Variants in PTPRD observed in about 807,000 individuals in gnomAD.
The protein encoded by PTPRD is protein tyrosine phosphatase receptor type D.
PTPRD carries 34 observed loss-of-function variants against 214.5 expected under a neutral mutation model. The ratio of observed to expected loss-of-function variants is 0.16; its 90% CI spans 0.12 to 0.21. The LOEUF is 0.21. Among genes scored for constraint, PTPRD ranks in the 10% least tolerant of loss-of-function variants. PTPRD has a pLI of 1.00. For synonymous variants in PTPRD, 1,128 were observed against 845.7 expected (o/e 1.33, Z -5.79); for missense variants, 2,545 against 2,398.7 (o/e 1.06, Z -1.27).
chr9:10,511,969 TGTGTGTGTATATATATATAC>T (rs1566641282), intron 2 of PTPRD, among the ~76,000 whole-genome samples: 4 of 51,690 alleles, frequency 7.7e-5, no homozygotes, highest in African/African-American at 1.7e-4. Context: ...TATATATACG[TGTGTGTGTATATATATATAC>T]GTGTGTGTAT....
At chr9:9,853,358 T>C (rs2060906748) in intron 5 of PTPRD, among the ~76,000 whole-genome samples, 1 of 152,180 alleles carries the variant, frequency 6.6e-6, no homozygotes, top group Non-Finnish European at 1.5e-5. Context: ...CTTGGTTTTT[T>C]CTCAGCCATT....
At chr9:8,681,590 G>A (rs2097550292) in intron 12 of PTPRD, among the ~76,000 whole-genome samples, 1 of 152,094 alleles carries the variant, frequency 6.6e-6, no homozygotes, top group Non-Finnish European at 1.5e-5. Context: ...GACTGCTTAG[G>A]AGAAGCTTCT....
intron 10 of PTPRD, among the ~76,000 whole-genome samples, chr9:9,023,999 TG>T (rs2154371603): frequency 6.6e-6 from 1 of 152,064 alleles, no homozygotes; most frequent in South Asian, 2.1e-4. Flanking sequence ...TTTTTATTTT[TG>T]TAAAAATAAT....
chr9:10,228,845 G>C (rs1339060683), intron 3 of PTPRD, among the ~76,000 whole-genome samples: 1 of 151,070 alleles, frequency 6.6e-6, no homozygotes, highest in Non-Finnish European at 1.5e-5. Flanking sequence ...TCTGCTTATA[G>C]ATATTTCCAA....
intron 7 of PTPRD, among the ~76,000 whole-genome samples, chr9:9,646,343 G>GT (rs1564283935): frequency 3.2e-4 from 47 of 147,168 alleles, no homozygotes; most frequent in African/African-American, 1.1e-3. Context: ...GTGTGTGTGT[G>GT]GGTGTGTGTG....
At chr9:8,496,171 AACACACACACACACACAC>A (rs566859758) in intron 26 of PTPRD, among the ~76,000 whole-genome samples, 3 of 135,024 alleles carry the variant, frequency 2.2e-5, no homozygotes, top group South Asian at 2.5e-4. Flanking sequence ...CCAACTCTCC[AACACACACACACACACAC>A]ACACACACAC....
chr9:9,851,837 T>A (rs543951393), intron 5 of PTPRD, among the ~76,000 whole-genome samples: 1 of 152,344 alleles, frequency 6.6e-6, no homozygotes, highest in East Asian at 1.9e-4. Flanking sequence ...GTTTGTTGCT[T>A]CTTACAAATC....
At chr9:9,139,558 G>A (rs562188435) in intron 10 of PTPRD, among the ~76,000 whole-genome samples, 1 of 152,234 alleles carries the variant, frequency 6.6e-6, no homozygotes, top group East Asian at 1.9e-4. Context: ...AGTCGAGGGT[G>A]GCTACTAAGT....
At chr9:10,357,316 T>C (rs1252835975) in intron 2 of PTPRD, among the ~76,000 whole-genome samples, 3 of 152,188 alleles carry the variant, frequency 2.0e-5, no homozygotes, top group African/African-American at 4.8e-5. Context: ...TTGAGCACTC[T>C]TTACTAGAAA....
At chr9:9,474,123 T>G (rs1270009849) in intron 8 of PTPRD, among the ~76,000 whole-genome samples, 7 of 152,124 alleles carry the variant, frequency 4.6e-5, no homozygotes, top group Non-Finnish European at 8.8e-5. Context: ...GCATTTTCAG[T>G]TGATTTTTGT....
At chr9:9,325,044 G>C (rs1569567376) in intron 9 of PTPRD, among the ~76,000 whole-genome samples, 1 of 152,116 alleles carries the variant, frequency 6.6e-6, no homozygotes, top group East Asian at 1.9e-4. Context: ...CTGTTCCATT[G>C]ATCTATATCT....
At chr9:9,031,181 G>C (rs1238091629) in intron 10 of PTPRD, among the ~76,000 whole-genome samples, 2 of 148,534 alleles carry the variant, frequency 1.3e-5, no homozygotes, top group African/African-American at 5.0e-5. Flanking sequence ...TGCAGAGCCA[G>C]GAAATAAACC....
chr9:9,837,973 G>C (rs1459844745), intron 5 of PTPRD, among the ~76,000 whole-genome samples: 1 of 151,786 alleles, frequency 6.6e-6, no homozygotes, highest in Non-Finnish European at 1.5e-5. Context: ...CTGTGTCCAT[G>C]TGTTCTCATT....
At chr9:9,349,407 A>C (rs946353246) in intron 9 of PTPRD, among the ~76,000 whole-genome samples, 1 of 152,044 alleles carries the variant, frequency 6.6e-6, no homozygotes, top group Non-Finnish European at 1.5e-5. Flanking sequence ...CTAATACAGA[A>C]ACACTGCAAG....
chr9:9,330,634 T>C (rs2041955853), intron 9 of PTPRD, among the ~76,000 whole-genome samples: 1 of 152,064 alleles, frequency 6.6e-6, no homozygotes, highest in Admixed American at 6.6e-5. Context: ...TAACACATAT[T>C]GATTCATTTT....
chr9:9,201,548 G>C (rs770827968), intron 9 of PTPRD, among the ~76,000 whole-genome samples: 11 of 151,920 alleles, frequency 7.2e-5, no homozygotes, highest in Non-Finnish European at 1.3e-4. Context: ...CTATATTATA[G>C]ACTTGGTGAT....
intron 5 of PTPRD, among the ~76,000 whole-genome samples, chr9:9,778,439 C>T (rs1021235082): frequency 6.6e-6 from 1 of 152,138 alleles, no homozygotes; most frequent in African/African-American, 2.4e-5. Context: ...TGCTGGGCAG[C>T]TCCAGCAAAA....
chr9:9,862,842 G>C lies in PTPRD; in HGVS notation c.-368+75665C>G, dbSNP rs76606322. Among the ~76,000 whole-genome samples, 14 of 152,132 alleles carry C rather than the reference G, an allele frequency of 9.2e-5. No homozygotes were observed. In the East Asian group the frequency reaches 2.7e-3, roughly 29 times the overall value. On this transcript the variant is annotated intron_variant, in intron 5 of 45. Coordinates refer to ENST00000381196, the MANE Select transcript of PTPRD (RefSeq NM_002839.4). ...AAGATGCTTCTATTTAAGTCTTTCT[G>C]TATACATTCTATTTCAGGTTTTCTT...
At chr9:9,588,636 C>T (rs533677046) in intron 7 of PTPRD, among the ~76,000 whole-genome samples, 4 of 152,032 alleles carry the variant, frequency 2.6e-5, no homozygotes, top group Non-Finnish European at 4.4e-5. Context: ...AACTCTGAAA[C>T]TAATATTTTT....
Sources: gnomAD v4.1 joint callset for allele counts (sites outside exome capture counted in the v4.1 genomes callset) on GRCh38, gnomAD v4.1.1 for gene constraint, MANE v1.5 for transcripts, NCBI Gene and HGNC (gene_info 2026-07-23, HGNC 2026-07-21) for gene names.